SMG9: variants seen among roughly 807,000 people sequenced by gnomAD.
The protein encoded by SMG9 is SMG9 nonsense mediated mRNA decay factor, also known as nonsense-mediated mRNA decay factor SMG9.
In SMG9, 55 loss-of-function variants were observed where a neutral mutation model predicts 64.0. That is an observed-to-expected ratio of 0.86 (90% CI 0.69 to 1.08). The LOEUF (loss-of-function observed/expected upper bound fraction) is 1.08. Among genes scored for constraint, SMG9 ranks in the 50% least tolerant of loss-of-function variants. The pLI, the probability that SMG9 is intolerant of heterozygous loss-of-function variation, is 0.00. For missense variants in SMG9, 554 were observed against 681.3 expected (o/e 0.81, Z 2.08); for synonymous variants, 244 against 254.8 (o/e 0.96, Z 0.41).
At chr19:43,737,989 A>G (rs2146371989) in intron 8 of SMG9, 133 bp downstream of exon 8, 2 of 852,592 alleles carry the variant, frequency 2.3e-6, no homozygotes, top group South Asian at 3.1e-5. Context: ...TCCTCTTCCT[A>G]TAGCCCTTGG....
chr19:43,733,842 T>A, intron 10 of SMG9, 109 bp from the exon 11 acceptor site: 1 of 720,342 alleles, frequency 1.4e-6, no homozygotes, highest in African/African-American at 1.8e-5. Context: ...GATCACTGTG[T>A]AAATATTTAT....
chr19:43,735,528 G>GGAA (rs1968630077), intron 9 of SMG9, among the ~76,000 whole-genome samples: 1 of 145,734 alleles, frequency 6.9e-6, no homozygotes, highest in South Asian at 2.2e-4. Flanking sequence ...TGAGGCAGAA[G>GGAA]CACTTGAACC....
In SMG9 at chr19:43,731,420, A is replaced by G. The variant is rs1968479623; in HGVS notation, c.*176T>C. 4 of 1,430,774 alleles carry G rather than the reference A, an allele frequency of 2.8e-6. No homozygotes were observed. Among genetic ancestry groups the G allele is most frequent in the East Asian group, 2.6e-5 (1 of 38,536 alleles). 88.6% of individuals were successfully genotyped at this position (1,430,774 alleles called of 1,614,324 possible). On this transcript the variant is annotated 3_prime_UTR_variant, in exon 14 of 14. Coordinates refer to ENST00000270066, the MANE Select transcript of SMG9 (RefSeq NM_019108.4). ...CACAGTCACCCCCGGAACAGCCCCA[A>G]CTGAGGGTGGGGGGCCTGGCCCTGG...
At chr19:43,750,071 GA>G in intron 2 of SMG9, 1 of 497,238 alleles carries the variant, frequency 2.0e-6, no homozygotes, top group South Asian at 1.5e-5. Flanking sequence ...TTGTTATTAT[GA>G]CATGACCCTT....
chr19:43,749,486 C>A (rs1450063743), intron 2 of SMG9, among the ~76,000 whole-genome samples: 2 of 152,198 alleles, frequency 1.3e-5, no homozygotes, highest in Non-Finnish European at 1.5e-5. Context: ...GGCGGGATAA[C>A]ATTCCCCAGG....
intron 1 of SMG9, among the ~76,000 whole-genome samples, chr19:43,751,570 C>T (rs1969193100): frequency 6.6e-6 from 1 of 152,262 alleles, no homozygotes; most frequent in Admixed American, 6.5e-5. Context: ...CCAGAACAAA[C>T]TTCTCATCCT....
chr19:43,732,979 A>C lies in SMG9; in HGVS notation c.1363T>G (p.Ser455Ala). The change falls in exon 13 of 14, where the codon TCC becomes GCC. Residue 455 changes from serine (S) to alanine (A), a missense_variant. Ser to Ala is a moderately conservative substitution (Grantham distance 99, BLOSUM62 1). Transcript: ENST00000270066. The stretch of plus-strand genomic sequence containing the variant: ...TGGCCACGATACCCAGGCAGCAGGG[A>C]GAAGAGTGGGCTGGAACCAGGTCCT... ...RAGPGSSPLF[S>A]LLPGYRGHPS... 1 of 1,613,076 alleles carries C rather than the reference A, an allele frequency of 6.2e-7. No individual in the cohort carries two copies. The highest frequency in any genetic ancestry group is 8.5e-7 in the Non-Finnish European group (1 of 1,179,502).
intron 1 of SMG9, among the ~76,000 whole-genome samples, chr19:43,752,413 T>C (rs2146414933): frequency 6.6e-6 from 1 of 152,366 alleles, no homozygotes; most frequent in East Asian, 1.9e-4. Context: ...GAAGTCAGGT[T>C]GACAAAGTGT....
intron 6 of SMG9, 143 bp downstream of exon 6, chr19:43,744,627 ATC>A: frequency 1.8e-6 from 1 of 543,164 alleles, no homozygotes; most frequent in South Asian, 2.3e-5. Context: ...TATCATCTTC[ATC>A]TCATGAAGAC....
intron 9 of SMG9, among the ~76,000 whole-genome samples, chr19:43,735,224 T>C (rs1458565840): frequency 6.6e-6 from 1 of 152,236 alleles, no homozygotes; most frequent in Non-Finnish European, 1.5e-5. Context: ...CTGAATAATA[T>C]TCCATTGTCT....
In SMG9 at chr19:43,749,748, C is replaced by T. The variant is rs148045415; in HGVS notation, c.150+844G>A. On this transcript the variant is annotated intron_variant, in intron 2 of 13. Transcript: ENST00000270066. ...GAGTCACCTAGGTACAGGAGGGGAG[C>T]GAGGCTGGGCCTGGGCACAAGCCGA... Among the ~76,000 whole-genome samples, 1,074 of 152,240 alleles carry T rather than the reference C, an allele frequency of 7.1e-3. 14 individuals are homozygous for T. The highest frequency in any genetic ancestry group is 0.025 in the African/African-American group (1,024 of 41,544).
chr19:43,747,274 G>A (rs1364930685), intron 5 of SMG9, among the ~76,000 whole-genome samples, 168 bp downstream of exon 5: 3 of 152,142 alleles, frequency 2.0e-5, no homozygotes, highest in Non-Finnish European at 4.4e-5. Context: ...AAGCACAGCC[G>A]AGCTAGTTGA....
At chr19:43,754,260 A>G (rs1359097484) in intron 1 of SMG9, 1 of 152,078 alleles carries the variant, frequency 6.6e-6, no homozygotes, top group Non-Finnish European at 1.5e-5. Context: ...CATTTTCCTA[A>G]GGACTCCCTA....
intron 1 of SMG9, among the ~76,000 whole-genome samples, chr19:43,752,478 C>T (rs867142640): frequency 6.6e-6 from 1 of 152,338 alleles, no homozygotes; most frequent in South Asian, 2.1e-4. Flanking sequence ...AAAGTTTTAT[C>T]GGAACATGGC....
In SMG9 at chr19:43,747,698, G is replaced by C; in HGVS notation, c.425C>G (p.Pro142Arg). The C allele has an allele frequency of 6.2e-7, 1 of 1,610,808 alleles. No individual in the cohort carries two copies. Among genetic ancestry groups the C allele is most frequent in the Non-Finnish European group, 8.5e-7 (1 of 1,178,490 alleles). ...PPKGEKEGQR[P>R]TQPVYQIQNR... Reference sequence around the variant, plus strand: ...CTGGATCTGGTACACAGGCTGTGTGGGTCTCTGCCCCTCCTTCTCCCCCTT... The same window carrying C: ...CTGGATCTGGTACACAGGCTGTGTGCGTCTCTGCCCCTCCTTCTCCCCCTT... The change falls in exon 4 of 14, where the codon CCC (proline) becomes CGC (arginine). Residue 142 changes from proline (P) to arginine (R), a missense_variant. Transcript: ENST00000270066.
In SMG9 at chr19:43,740,146, G is replaced by C; in HGVS notation, c.774C>G (p.Phe258Leu). ...RGGNQTSGID[F>L]FITQERIVFL... ...AAACAATCCGTTCTTGGGTAATAAA[G>C]AAGTCGATGCCACTGGTCTGGTTGC... is the stretch of plus-strand genomic sequence containing the variant. The change falls in exon 7 of 14, where the codon TTC (phenylalanine) becomes TTG (leucine). Residue 258 changes from phenylalanine (F) to leucine (L), a missense_variant. Phe to Leu is a conservative substitution (Grantham distance 22). Coordinates refer to ENST00000270066, the MANE Select transcript of SMG9 (RefSeq NM_019108.4). 1 of 1,614,120 alleles carries C rather than the reference G, an allele frequency of 6.2e-7. No homozygotes were observed.
chr19:43,745,357 G>T (rs1568379430), intron 5 of SMG9, among the ~76,000 whole-genome samples: 2 of 151,564 alleles, frequency 1.3e-5, no homozygotes, highest in East Asian at 1.9e-4. Context: ...CTGTGTGTGT[G>T]TTTTTTTGTT....
At chr19:43,746,074 G>A (rs1968995252) in intron 5 of SMG9, among the ~76,000 whole-genome samples, 1 of 152,118 alleles carries the variant, frequency 6.6e-6, no homozygotes, top group South Asian at 2.1e-4. Flanking sequence ...CTGGGAAGCT[G>A]AGGCTGGAGA....
rs1568380749 is a variant in SMG9 at position 43,747,648 on chromosome 19, G to A, written c.475C>T (p.Pro159Ser). 6.2e-7 allele frequency: 1 copy of A among 1,613,578 alleles called. No homozygotes were observed. The highest frequency in any genetic ancestry group is 8.5e-7 in the Non-Finnish European group (1 of 1,179,824). ...CCCAACTCACGGTCCATGGCTGCTG[G>A]TGCGGCAGTGCCCATGCCCCGGTTC... The part of the protein sequence containing the change: ...IQNRGMGTAA[P>S]AAMDPVVGQA... Residue 159 changes from proline (P) to serine (S), a missense_variant, in exon 4 of 14, where the codon CCA (proline) becomes TCA (serine). Coordinates refer to ENST00000270066, the MANE Select transcript of SMG9 (RefSeq NM_019108.4).
Sources: gnomAD v4.1 joint callset for allele counts (sites outside exome capture counted in the v4.1 genomes callset) on GRCh38, gnomAD v4.1.1 for gene constraint, MANE v1.5 for transcripts, NCBI Gene and HGNC (gene_info 2026-07-23, HGNC 2026-07-21) for gene names.